IGF2BP3: variants seen among roughly 807,000 people sequenced by gnomAD.
The protein encoded by IGF2BP3 is insulin-like growth factor 2 mRNA-binding protein 3.
A neutral mutation model predicts 73.8 loss-of-function variants in IGF2BP3; 9 were observed. The ratio of observed to expected loss-of-function variants is 0.12; its 90% CI spans 0.07 to 0.21. The LOEUF is 0.21. Ranked by LOEUF, IGF2BP3 falls within the 10% of genes least tolerant of loss-of-function variation. IGF2BP3 has a pLI of 1.00. For synonymous variants in IGF2BP3, 258 were observed against 256.7 expected (o/e 1.01, Z -0.05); for missense variants, 542 against 714.0 (o/e 0.76, Z 2.75).
intron 3 of IGF2BP3, among the ~76,000 whole-genome samples, chr7:23,363,667 G>A (rs1785290382): frequency 6.6e-6 from 1 of 152,214 alleles, no homozygotes; most frequent in Non-Finnish European, 1.5e-5. Context: ...TTTTGCATGA[G>A]GTATACACAC....
At chr7:23,401,404 G>A (rs555757645) in intron 3 of IGF2BP3, among the ~76,000 whole-genome samples, 16 of 152,284 alleles carry the variant, frequency 1.1e-4, no homozygotes, top group African/African-American at 3.8e-4. Flanking sequence ...ATTAGGAATT[G>A]TCTTCCATCA....
intron 9 of IGF2BP3, 85 bp downstream of exon 9, chr7:23,343,633 C>G (rs963006525): frequency 7.5e-7 from 1 of 1,327,844 alleles, no homozygotes; most frequent in Admixed American, 1.7e-5. Context: ...GATAATGCCA[C>G]AAAAGAATTC....
At chr7:23,314,004 T>A (rs918548750) in intron 12 of IGF2BP3, among the ~76,000 whole-genome samples, 6 of 152,190 alleles carry the variant, frequency 3.9e-5, no homozygotes, top group Non-Finnish European at 5.9e-5. Flanking sequence ...ATGCTGGCCA[T>A]GAGACATCAG....
chr7:23,370,750 T>A (rs1350314145), intron 3 of IGF2BP3, among the ~76,000 whole-genome samples: 1 of 152,020 alleles, frequency 6.6e-6, no homozygotes, highest in African/African-American at 2.4e-5. Context: ...TGATCTCAGC[T>A]CACTGCAACC....
chr7:23,447,200 GAC>G (rs150467544), intron 2 of IGF2BP3, among the ~76,000 whole-genome samples: 1 of 150,756 alleles, frequency 6.6e-6, no homozygotes. Flanking sequence ...GACTCTGACT[GAC>G]ACACACACAC....
intron 3 of IGF2BP3, among the ~76,000 whole-genome samples, chr7:23,386,146 T>C (rs1786075205): frequency 6.6e-6 from 1 of 152,230 alleles, no homozygotes; most frequent in Non-Finnish European, 1.5e-5. Context: ...AGATTTATTA[T>C]ACTATTCTCT....
rs570575567 is a variant in IGF2BP3, at chr7:23,385,000, C to T, written c.286-23259G>A. ...TAATGGGATTATCAGGACCATAACC[C>T]CATTATAAGTTGATAAGCCATCTGT... On this transcript the variant is annotated intron_variant, in intron 3 of 14. Coordinates refer to ENST00000258729, the MANE Select transcript of IGF2BP3 (RefSeq NM_006547.3). Among the ~76,000 whole-genome samples the T allele has an allele frequency of 7.0e-4, 106 of 152,228 alleles. 1 individual carries two copies. The highest frequency in any genetic ancestry group is 2.4e-3 in the African/African-American group (99 of 41,540).
At chr7:23,394,987 C>G (rs78840640) in intron 3 of IGF2BP3, among the ~76,000 whole-genome samples, 2,282 of 152,238 alleles carry the variant, frequency 0.015, 38 homozygotes, top group Middle Eastern at 0.044. Context: ...ATCAGATTTG[C>G]TGAGAAAGAA....
At chr7:23,400,646 C>A (rs966965730) in intron 3 of IGF2BP3, among the ~76,000 whole-genome samples, 2 of 152,194 alleles carry the variant, frequency 1.3e-5, no homozygotes, top group African/African-American at 2.4e-5. Context: ...CCATTTCACA[C>A]GAGAACAACT....
rs775406714 is a variant in IGF2BP3 at position 23,317,653 on chromosome 7, C to G, written c.1381G>C (p.Glu461Gln). The G allele has an allele frequency of 6.2e-7, 1 of 1,614,056 alleles. No individual in the cohort carries two copies. The highest frequency in any genetic ancestry group is 1.7e-5 in the Admixed American group (1 of 60,020). Residue 461 changes from glutamate (E) to glutamine (Q), a missense_variant, in exon 12 of 15, where the codon GAG becomes CAG. By Grantham distance (29) the Glu-to-Gln change is conservative. Transcript: ENST00000258729. ...VRMVIITGPP[E>Q]AQFKAQGRIY... is the part of the protein sequence containing the mutation. ...AGAGCACATACCTTGAACTGAGCCT[C>G]TGGTGGTCCAGTGATAATCACCATC...
rs916052849 is a variant in IGF2BP3 at position 23,397,261 on chromosome 7, T to C, written c.285+21515A>G. On this transcript the variant is annotated intron_variant, in intron 3 of 14. Coordinates refer to ENST00000258729, the MANE Select transcript of IGF2BP3 (RefSeq NM_006547.3). Reference sequence around the variant, plus strand: ...GTGCAGCAAATTCTCCTCCGGCACATAGTAGGCACTCTGATAAATTCAAAA... The same window carrying C: ...GTGCAGCAAATTCTCCTCCGGCACACAGTAGGCACTCTGATAAATTCAAAA... Among the ~76,000 whole-genome samples, 9 of 152,314 alleles carry C rather than the reference T, an allele frequency of 5.9e-5. No individual in the cohort carries two copies. The South Asian group carries it at 1.9e-3, about 32-fold the overall frequency.
intron 3 of IGF2BP3, among the ~76,000 whole-genome samples, chr7:23,375,594 G>C (rs1462297519): frequency 6.6e-6 from 1 of 152,128 alleles, no homozygotes; most frequent in African/African-American, 2.4e-5. Context: ...GAGAAAAAGG[G>C]AAAGACAGCA....
chr7:23,390,236 T>G (rs1000987503), intron 3 of IGF2BP3, among the ~76,000 whole-genome samples: 2 of 152,182 alleles, frequency 1.3e-5, no homozygotes, highest in Non-Finnish European at 2.9e-5. Context: ...AATTTGTGTG[T>G]ATACCTGCAT....
chr7:23,446,354 G>T (rs1252707788), intron 2 of IGF2BP3, among the ~76,000 whole-genome samples: 1 of 152,144 alleles, frequency 6.6e-6, no homozygotes, highest in Non-Finnish European at 1.5e-5. Flanking sequence ...CCGAAGTCAG[G>T]AGTTTGAGAC....
intron 3 of IGF2BP3, among the ~76,000 whole-genome samples, chr7:23,408,979 G>GA (rs921990503): frequency 9.7e-5 from 14 of 143,616 alleles, no homozygotes; most frequent in African/African-American, 3.6e-4. Flanking sequence ...GTGGGGATGG[G>GA]GGGGATGGCT....
intron 3 of IGF2BP3, among the ~76,000 whole-genome samples, chr7:23,399,687 A>G (rs1219031260): frequency 6.6e-6 from 1 of 152,220 alleles, no homozygotes; most frequent in Non-Finnish European, 1.5e-5. Flanking sequence ...TTAGCAATGT[A>G]AATTTTCTAT....
rs145710621 is a variant in IGF2BP3 at position 23,394,110 on chromosome 7, T to C, written c.285+24666A>G. On this transcript the variant is annotated intron_variant, in intron 3 of 14. Coordinates refer to ENST00000258729, the MANE Select transcript of IGF2BP3 (RefSeq NM_006547.3). ...GTGTTATAGGTTTCTAAAGGTAATCTAGTTCACACAACAAGGTCTTTCAGC... is the reference window on the plus strand; with the variant it reads ...GTGTTATAGGTTTCTAAAGGTAATCCAGTTCACACAACAAGGTCTTTCAGC... Among the ~76,000 whole-genome samples, 1,159 of 152,278 alleles carry C rather than the reference T, an allele frequency of 7.6e-3. 6 individuals are homozygous for C. Among genetic ancestry groups the C allele is most frequent in the Non-Finnish European group, 0.013 (867 of 68,028 alleles).
At chr7:23,356,271 T>C (rs1273585932) in intron 5 of IGF2BP3, among the ~76,000 whole-genome samples, 1 of 152,164 alleles carries the variant, frequency 6.6e-6, no homozygotes, top group Non-Finnish European at 1.5e-5. Flanking sequence ...TAAAATTTCA[T>C]GCCTGGCTGG....
intron 5 of IGF2BP3, among the ~76,000 whole-genome samples, chr7:23,352,082 A>G (rs914788481): frequency 6.6e-6 from 1 of 152,134 alleles, no homozygotes. Flanking sequence ...CAGTGGACAA[A>G]TATCTCTAAA....
Sources: allele counts gnomAD v4.1 joint callset (sites outside exome capture counted in the v4.1 genomes callset), GRCh38; gene constraint gnomAD v4.1.1; transcripts MANE v1.5; gene names NCBI Gene and HGNC (gene_info 2026-07-23, HGNC 2026-07-21).